The following FTO variants were observed in gnomAD, a reference collection of about 807,000 sequenced individuals.
FTO encodes FTO alpha-ketoglutarate dependent dioxygenase.
Under a neutral mutation model 63.9 loss-of-function variants are expected in FTO, and 47 were observed. That is an observed-to-expected ratio of 0.74 (90% CI 0.58 to 0.94). The LOEUF (loss-of-function observed/expected upper bound fraction) is 0.94, where lower values mean the gene tolerates loss of function less well. Among genes scored for constraint, FTO ranks in the 40% least tolerant of loss-of-function variants. FTO has a pLI of 0.00. For synonymous variants in FTO, 207 were observed against 224.4 expected, an observed-to-expected ratio of 0.92 and a Z score of 0.69; for missense variants, 562 against 618.1, an observed-to-expected ratio of 0.91 and a Z score of 0.96.
rs563002741 is a variant in FTO, at chr16:53,793,679, C to T, written c.46-16461C>T. On this transcript the variant is annotated intron_variant, in intron 1 of 8. Transcript: ENST00000471389. The stretch of plus-strand genomic sequence containing the variant: ...TAGAAAGGTGCTCATAATAGAATGG[C>T]GTGAACGCGGGAGACGGAGCTTTCA... Among the ~76,000 whole-genome samples the T allele has an allele frequency of 1.2e-4, 18 of 152,230 alleles. No individual in the cohort carries two copies. In the East Asian group the frequency reaches 2.3e-3, roughly 20 times the overall value.
At chr16:53,760,979 T>G (rs1001180637) in intron 1 of FTO, among the ~76,000 whole-genome samples, 1 of 147,030 alleles carries the variant, frequency 6.8e-6, no homozygotes, top group Non-Finnish European at 1.5e-5. Context: ...GTTGTTATTG[T>G]TGTCTCCTTT....
At chr16:53,931,588 G>A (rs1464577576) in intron 7 of FTO, among the ~76,000 whole-genome samples, 1 of 152,064 alleles carries the variant, frequency 6.6e-6, no homozygotes, top group Non-Finnish European at 1.5e-5. Context: ...GATTACAGGT[G>A]TGAGCCACTG....
intron 4 of FTO, 45 bp downstream of exon 4, chr16:53,844,343 A>C (rs1434673591): frequency 7.1e-7 from 1 of 1,406,956 alleles, no homozygotes; most frequent in Admixed American, 1.7e-5. Flanking sequence ...CTAGTGTCTA[A>C]ATTTAGATTA....
chr16:53,891,389 GGT>G (rs2081146658), intron 7 of FTO, among the ~76,000 whole-genome samples: 1 of 150,744 alleles, frequency 6.6e-6, no homozygotes, highest in Admixed American at 6.6e-5. Flanking sequence ...GGCCCAGCAT[GGT>G]GGCTAATGCC....
chr16:53,992,329 C>G (rs1378934600), intron 8 of FTO: 1 of 152,206 alleles, frequency 6.6e-6, no homozygotes, highest in East Asian at 1.9e-4. Context: ...TTTGCCACCC[C>G]GCTCCTGAGC....
At chr16:53,795,331 C>T (rs887186611) in intron 1 of FTO, among the ~76,000 whole-genome samples, 3 of 152,036 alleles carry the variant, frequency 2.0e-5, no homozygotes, top group Non-Finnish European at 2.9e-5. Context: ...GATGGAGTTC[C>T]AACATATGTC....
intron 8 of FTO, among the ~76,000 whole-genome samples, chr16:54,080,449 G>A (rs572318241): frequency 6.6e-6 from 1 of 152,304 alleles, no homozygotes; most frequent in South Asian, 2.1e-4. Flanking sequence ...ACTTGTGTCT[G>A]CATTTACAGA....
chr16:54,058,245 G>A (rs1402249802), intron 8 of FTO, among the ~76,000 whole-genome samples: 1 of 152,062 alleles, frequency 6.6e-6, no homozygotes, highest in Non-Finnish European at 1.5e-5. Context: ...CCAAGTAGCT[G>A]GGACTACTGG....
intron 1 of FTO, among the ~76,000 whole-genome samples, chr16:53,759,070 A>T (rs1163184854): frequency 6.6e-6 from 1 of 152,202 alleles, no homozygotes; most frequent in Non-Finnish European, 1.5e-5. Flanking sequence ...TTGTTGAAGC[A>T]TGCTGCGTAA....
chr16:53,867,858 CT>C (rs1275511540), intron 4 of FTO, among the ~76,000 whole-genome samples: 2 of 152,050 alleles, frequency 1.3e-5, no homozygotes, highest in Non-Finnish European at 2.9e-5. Flanking sequence ...CAGTTTTTGC[CT>C]TATACATTTT....
intron 7 of FTO, among the ~76,000 whole-genome samples, chr16:53,925,728 A>C (rs2082122411): frequency 6.6e-6 from 1 of 152,144 alleles, no homozygotes; most frequent in Non-Finnish European, 1.5e-5. Flanking sequence ...CCTCTCTGAA[A>C]ACCCTACATG....
intron 8 of FTO, among the ~76,000 whole-genome samples, chr16:53,982,891 T>C (rs1237386269): frequency 1.3e-5 from 2 of 152,186 alleles, no homozygotes; most frequent in Non-Finnish European, 2.9e-5. Flanking sequence ...TAGATTTTTT[T>C]ATGAAGGAAA....
At chr16:53,987,582 C>CAA (rs770347637) in intron 8 of FTO, among the ~76,000 whole-genome samples, 23 of 123,026 alleles carry the variant, frequency 1.9e-4, no homozygotes, top group Non-Finnish European at 2.5e-4. Context: ...GACTCTGTCT[C>CAA]AAAAAAAAAA....
In FTO at chr16:53,978,888, A is replaced by G. The variant is rs868390947; in HGVS notation, c.1364+44779A>G. On this transcript the variant is annotated intron_variant, in intron 8 of 8. Transcript: ENST00000471389. The stretch of plus-strand genomic sequence containing the variant: ...GGCACACGTGCCTGTAATCCCAGCA[A>G]CTCGGGAGGCTGAGGCATGACAATT... Among the ~76,000 whole-genome samples the G allele has an allele frequency of 9.2e-5, 14 of 152,110 alleles. 1 individual carries two copies. In the Middle Eastern group the frequency reaches 0.01, roughly 111 times the overall value.
At chr16:54,095,745 C>G (rs1401673078) in intron 8 of FTO, among the ~76,000 whole-genome samples, 1 of 152,090 alleles carries the variant, frequency 6.6e-6, no homozygotes, top group Non-Finnish European at 1.5e-5. Context: ...TTCTGCTGCC[C>G]CCCGCCTGGG....
At chr16:53,769,075 C>T (rs754262357) in intron 1 of FTO, among the ~76,000 whole-genome samples, 10 of 152,102 alleles carry the variant, frequency 6.6e-5, no homozygotes, top group Non-Finnish European at 1.3e-4. Context: ...GTGGTGGGCG[C>T]CTTTTGAAAG....
chr16:53,785,901 T>A (rs2077723742), intron 1 of FTO, among the ~76,000 whole-genome samples: 1 of 136,836 alleles, frequency 7.3e-6, no homozygotes, highest in Non-Finnish European at 1.6e-5. Flanking sequence ...AGAGCGAGAC[T>A]CCATCTCAAA....
intron 8 of FTO, among the ~76,000 whole-genome samples, chr16:54,030,001 G>A (rs2084793187): frequency 6.6e-6 from 1 of 152,154 alleles, no homozygotes; most frequent in South Asian, 2.1e-4. Flanking sequence ...ACACTTGCAT[G>A]AGAAAATATT....
chr16:53,943,209 G>A (rs1285879616), intron 8 of FTO, among the ~76,000 whole-genome samples: 1 of 152,194 alleles, frequency 6.6e-6, no homozygotes, highest in Admixed American at 6.5e-5. Context: ...AAGATTAAAT[G>A]AGTCTAGAGA....
Sources: gnomAD v4.1 joint callset for allele counts (sites outside exome capture counted in the v4.1 genomes callset) on GRCh38, gnomAD v4.1.1 for gene constraint, MANE v1.5 for transcripts, NCBI Gene and HGNC (gene_info 2026-07-23, HGNC 2026-07-21) for gene names.